FKBP10: variants seen among roughly 807,000 people sequenced by gnomAD.
FKBP10 encodes FKBP prolyl isomerase 10.
A neutral mutation model predicts 53.7 loss-of-function variants in FKBP10; 34 were observed. That is an observed-to-expected ratio of 0.63 (90% confidence interval 0.48 to 0.84). The LOEUF is 0.84. FKBP10 is among the 40% of genes least tolerant of loss of function. The pLI, the probability that FKBP10 is intolerant of heterozygous loss-of-function variation, is 0.00. For synonymous variants in FKBP10, 324 were observed against 335.7 expected (o/e 0.97, Z 0.38); for missense variants, 748 against 797.8 (o/e 0.94, Z 0.75).
Position 41,819,248 on chromosome 17 carries a change from G to A in FKBP10, c.766G>A (p.Val256Ile), listed in dbSNP as rs782380098. The A allele has an allele frequency of 1.1e-5, 17 of 1,613,960 alleles. No homozygotes were observed. Among genetic ancestry groups the A allele is most frequent in the Admixed American group, 5.0e-5 (3 of 60,000 alleles). Residue 256 changes from valine (V) to isoleucine (I), a missense_variant, in exon 5 of 10, where the codon GTC becomes ATC. Val to Ile is a conservative substitution (Grantham distance 29, BLOSUM62 3). Transcript: ENST00000321562. ...CCCACAGGCCTCGCTGGTCTTTCACGTCCTCCTGATTGACGTGCACAACCC... is the reference window on the plus strand; with the variant it reads ...CCCACAGGCCTCGCTGGTCTTTCACATCCTCCTGATTGACGTGCACAACCC... ...IPPQASLVFH[V>I]LLIDVHNPKD...
In FKBP10 at chr17:41,819,559, A is replaced by G. The variant is rs2047862906; in HGVS notation, c.947A>G (p.Tyr316Cys). 9.3e-6 allele frequency: 15 copies of G among 1,613,948 alleles called. No homozygotes were observed. Among genetic ancestry groups the G allele is most frequent in the Non-Finnish European group, 1.1e-5 (13 of 1,180,024 alleles). ...SYSRNHTYNT[Y>C]IGQGYIIPGM... is the part of the protein sequence containing the mutation. ...TCCCGCAACCACACCTACAATACCT[A>G]TATCGGGCAGGGTTACATCATCCCC... The change falls in exon 6 of 10, where the codon TAT becomes TGT. Residue 316 changes from tyrosine (Y) to cysteine (C), a missense_variant. By Grantham distance (194) the Tyr-to-Cys change is radical. Transcript: ENST00000321562.
At chr17:41,815,529 G>A (rs1036304977) in intron 1 of FKBP10, among the ~76,000 whole-genome samples, 18 of 150,058 alleles carry the variant, frequency 1.2e-4, no homozygotes, top group African/African-American at 3.9e-4. Flanking sequence ...GCAGTAGCGC[G>A]ATCTCTGCTC....
At position 41,821,807 on chromosome 17, in the gene FKBP10, C is replaced by T; in HGVS notation, c.1553C>T (p.Pro518Leu). ...DMDLNKDGEV[P>L]PEEFSTFIKA... ...GACCTCAACAAGGATGGCGAGGTCC[C>T]TCCGGAGGAGGTGGGTGAAGGTTCA... The change falls in exon 9 of 10, where the codon CCT (proline) becomes CTT (leucine). Residue 518 changes from proline (P) to leucine (L), a missense_variant. Physicochemically the swap from Pro to Leu is moderately conservative, Grantham distance 98. Coordinates refer to ENST00000321562, the MANE Select transcript of FKBP10 (RefSeq NM_021939.4). The T allele has an allele frequency of 1.2e-6, 2 of 1,614,164 alleles. No individual in the cohort carries two copies. Among genetic ancestry groups the T allele is most frequent in the Non-Finnish European group, 1.7e-6 (2 of 1,180,024 alleles).
At chr17:41,821,602 C>T (rs1023721302) in intron 8 of FKBP10, 52 bp from the exon 9 acceptor site, 51 of 1,605,526 alleles carry the variant, frequency 3.2e-5, no homozygotes, top group Non-Finnish European at 4.3e-5. Flanking sequence ...GAAGCCAGGC[C>T]CAGACCCCGG....
chr17:41,818,695 T>C (rs562560278), intron 4 of FKBP10, among the ~76,000 whole-genome samples, 168 bp downstream of exon 4: 38 of 151,430 alleles, frequency 2.5e-4, no homozygotes, highest in Admixed American at 2.0e-3. Flanking sequence ...TGGCCGGGCG[T>C]GGTGGCTCAC....
chr17:41,818,063 A>C, intron 2 of FKBP10, 26 bp from the exon 3 acceptor site: 2 of 1,570,864 alleles, frequency 1.3e-6, no homozygotes, highest in Non-Finnish European at 1.7e-6. Flanking sequence ...GAACTCTGAG[A>C]CCTCCACGCT....
Position 41,820,969 on chromosome 17 carries a change from G to C in FKBP10, c.1279G>C (p.Glu427Gln), listed in dbSNP as rs782360497. The C allele has an allele frequency of 1.2e-5, 20 of 1,612,350 alleles. No homozygotes were observed. Among genetic ancestry groups the C allele is most frequent in the Non-Finnish European group, 1.6e-5 (19 of 1,179,586 alleles). The stretch of plus-strand genomic sequence containing the variant: ...CAGGCATGACTACGGGGCCCCCCAG[G>C]AGGCGACTCTCGGGGCCAACAAGGT... ...FTSHDYGAPQ[E>Q]ATLGANKVIE... Residue 427 changes from glutamate (E) to glutamine (Q), a missense_variant, in exon 8 of 10, where the codon GAG becomes CAG. Coordinates refer to ENST00000321562, the MANE Select transcript of FKBP10 (RefSeq NM_021939.4).
rs538158368 is a variant in FKBP10 at position 41,813,332 on chromosome 17, G to A, written c.245+53G>A. The A allele has an allele frequency of 1.2e-4, 188 of 1,611,800 alleles. 1 individual carries two copies. In the African/African-American group the frequency reaches 1.8e-3, roughly 15 times the overall value. On this transcript the variant is annotated intron_variant, in intron 1 of 9. Coordinates refer to ENST00000321562, the MANE Select transcript of FKBP10 (RefSeq NM_021939.4). The stretch of plus-strand genomic sequence containing the variant: ...CACCACTCCGTCCCCTGAACCCGGG[G>A]TCCTGTTTCCTTGTTGCCTCTTTTA...
In FKBP10 at chr17:41,819,563, C is replaced by T. The variant is rs782301605; in HGVS notation, c.951C>T (p.Ile317=). Residue 317 remains isoleucine (I), a synonymous_variant, in exon 6 of 10, where the codon ATC becomes ATT. Transcript: ENST00000321562. Reference sequence around the variant, plus strand: ...GCAACCACACCTACAATACCTATATCGGGCAGGGTTACATCATCCCCGGGA... The same window carrying T: ...GCAACCACACCTACAATACCTATATTGGGCAGGGTTACATCATCCCCGGGA... The part of the protein sequence containing the change: ...YSRNHTYNTY[I]GQGYIIPGMD... 14 of 1,614,012 alleles carry T rather than the reference C, an allele frequency of 8.7e-6. No homozygotes were observed. Among genetic ancestry groups the T allele is most frequent in the Admixed American group, 1.7e-5 (1 of 60,002 alleles).
intron 9 of FKBP10, among the ~76,000 whole-genome samples, 192 bp from the exon 10 acceptor site, chr17:41,822,031 C>T (rs1455872422): frequency 6.6e-6 from 1 of 152,182 alleles, no homozygotes; most frequent in Non-Finnish European, 1.5e-5. Flanking sequence ...ATCCCCATGC[C>T]ACGCCTCCAC....
At chr17:41,815,258 G>A (rs747360803) in intron 1 of FKBP10, among the ~76,000 whole-genome samples, 32 of 152,186 alleles carry the variant, frequency 2.1e-4, no homozygotes, top group Non-Finnish European at 3.8e-4. Context: ...CCCCAGCCTC[G>A]TGATCCGCCC....
At position 41,819,276 on chromosome 17, in the gene FKBP10, A is replaced by AGGACGCTGTCCAGCTAG; in HGVS notation, c.795_811dup (p.Glu271GlyfsTer6). On this transcript the variant is annotated frameshift_variant, in exon 5 of 10. Coordinates refer to ENST00000321562, the MANE Select transcript of FKBP10 (RefSeq NM_021939.4). LOFTEE classifies it high-confidence loss of function. ...CTCCTGATTGACGTGCACAACCCGA[A>AGGACGCTGTCCAGCTAG]GGACGCTGTCCAGCTAGAGACGCTG... 1 of 1,614,192 alleles carries AGGACGCTGTCCAGCTAG rather than the reference A, an allele frequency of 6.2e-7. No homozygotes were observed. Among genetic ancestry groups the AGGACGCTGTCCAGCTAG allele is most frequent in the Non-Finnish European group, 8.5e-7 (1 of 1,180,032 alleles).
rs782129974 is a variant in FKBP10, at chr17:41,820,387, GACC to G, written c.1187_1189del (p.Thr396del). 9 of 1,614,140 alleles carry G rather than the reference GACC, an allele frequency of 5.6e-6. No individual in the cohort carries two copies. Among genetic ancestry groups the G allele is most frequent in the African/African-American group, 1.3e-5 (1 of 75,044 alleles). On this transcript the variant is annotated inframe_deletion, in exon 7 of 10. Coordinates refer to ENST00000321562, the MANE Select transcript of FKBP10 (RefSeq NM_021939.4). ...CCCGGCCATCTGAGACCTGCAATGA[GACC>G]ACCAAGCTTGGGGACTTTGTTCGAT...
chr17:41,818,342 G>A (rs782152961), intron 3 of FKBP10, 40 bp from the exon 4 acceptor site: 6 of 1,614,040 alleles, frequency 3.7e-6, no homozygotes, highest in South Asian at 1.1e-5. Flanking sequence ...GGAATCCGGG[G>A]CCCAGCCTGC....
At chr17:41,820,669 C>A in intron 7 of FKBP10, 1 of 674,250 alleles carries the variant, frequency 1.5e-6, no homozygotes, top group South Asian at 1.9e-5. Flanking sequence ...GAAGGTGAAG[C>A]CAACAGTTGG....
At position 41,815,860 on chromosome 17, in the gene FKBP10, C is replaced by G. The variant is rs143960205; in HGVS notation, c.246-1198C>G. 9.2e-5 allele frequency among the ~76,000 whole-genome samples: 14 copies of G among 151,876 alleles called. No individual in the cohort carries two copies. In the East Asian group the frequency reaches 2.6e-3, roughly 28 times the overall value. On this transcript the variant is annotated intron_variant, in intron 1 of 9. Transcript: ENST00000321562. Reference sequence around the variant, plus strand: ...ATAAATTAAAAGTGTATATAATTGGCTGGGCACAGTGGCTCACTCCTGTAA... The same window carrying G: ...ATAAATTAAAAGTGTATATAATTGGGTGGGCACAGTGGCTCACTCCTGTAA...
Position 41,818,387 on chromosome 17 carries a change from G to T in FKBP10, c.587G>T (p.Ser196Ile), listed in dbSNP as rs782660556. ...CTCCACCTCATTTTCTGCAGCTACA[G>T]TAAGGGCGGCACTTATGACACCTAC... The part of the protein sequence containing the change: ...LDGTSFDTSY[S>I]KGGTYDTYVG... The change falls in exon 4 of 10, where the codon AGT becomes ATT. Residue 196 changes from serine to isoleucine, a missense_variant. Coordinates refer to ENST00000321562, the MANE Select transcript of FKBP10 (RefSeq NM_021939.4). The T allele has an allele frequency of 6.2e-7, 1 of 1,614,224 alleles. No homozygotes were observed. The highest frequency in any genetic ancestry group is 1.1e-5 in the South Asian group (1 of 91,090).
intron 6 of FKBP10, 169 bp from the exon 7 acceptor site, chr17:41,820,100 G>A (rs932334641): frequency 2.5e-6 from 3 of 1,211,456 alleles, no homozygotes; most frequent in Non-Finnish European, 3.5e-6. Flanking sequence ...CCTGCCCCCT[G>A]CCCCAGTGAA....
At chr17:41,820,083 G>C in intron 6 of FKBP10, 186 bp from the exon 7 acceptor site, 1 of 1,229,546 alleles carries the variant, frequency 8.1e-7, no homozygotes, top group Non-Finnish European at 1.1e-6. Context: ...CTGGAAAGCT[G>C]CCTTCCCCTG....
Sources: allele counts gnomAD v4.1 joint callset (sites outside exome capture counted in the v4.1 genomes callset), GRCh38; gene constraint gnomAD v4.1.1; transcripts MANE v1.5; gene names NCBI Gene and HGNC (gene_info 2026-07-23, HGNC 2026-07-21).